PIEZO2: variants seen among roughly 807,000 people sequenced by gnomAD.
PIEZO2 encodes the protein piezo type mechanosensitive ion channel component 2.
A neutral mutation model predicts 337.3 loss-of-function variants in PIEZO2; 172 were observed. The observed-to-expected ratio is 0.51, with a 90% CI of 0.45 to 0.58. PIEZO2 has a LOEUF of 0.58. Among genes scored for constraint, PIEZO2 ranks in the 20% least tolerant of loss-of-function variants. The pLI is 0.00. For synonymous variants in PIEZO2, 1,251 were observed against 1,228.5 expected (o/e 1.02, Z -0.38); for missense variants, 3,028 against 3,391.3 (o/e 0.89, Z 2.66).
chr18:11,128,485 G>A lies in PIEZO2; in HGVS notation c.64+20040C>T, dbSNP rs890449330. ...GTGGGAGGACCCTGATGAAGCTGAG[G>A]ACACTGAGTTTGTAAACTCTGATGA... is the stretch of plus-strand genomic sequence containing the variant. On this transcript the variant is annotated intron_variant, in intron 1 of 55. Coordinates refer to ENST00000674853, the MANE Select transcript of PIEZO2 (RefSeq NM_001378183.1). The surrounding 1 kb of genome is among the most constrained non-coding windows in gnomAD (Gnocchi z 4.1). 6.6e-6 allele frequency among the ~76,000 whole-genome samples: 1 copy of A among 152,170 alleles called. No homozygotes were observed. The highest frequency in any genetic ancestry group is 2.4e-5 in the African/African-American group (1 of 41,432).
Position 10,855,633 on chromosome 18 carries a change from T to C in PIEZO2, c.704-67A>G. 4 of 1,231,686 alleles carry C rather than the reference T, an allele frequency of 3.2e-6. No individual in the cohort carries two copies. Among genetic ancestry groups the C allele is most frequent in the Non-Finnish European group, 4.5e-6 (4 of 893,024 alleles). The allele number at this position is 1,231,686 out of a possible 1,614,324, so 76.3% of individuals were successfully genotyped here. On this transcript the variant is annotated intron_variant, in intron 6 of 55. Transcript: ENST00000674853. This position sits in a 1 kb window ranked among gnomAD's most constrained non-coding sequence, Gnocchi z 4.9. ...AAATTCACTTATCATTCAGTGAATG[T>C]GACTATTTGAAATTATGTGAATTTC...
intron 27 of PIEZO2, among the ~76,000 whole-genome samples, chr18:10,756,803 T>A (rs765326876): frequency 2.3e-5 from 3 of 130,300 alleles, no homozygotes; most frequent in Non-Finnish European, 4.8e-5. Flanking sequence ...GGATGGAGAA[T>A]GAGGAGGAGG....
chr18:11,089,920 G>C (rs1173901218), intron 1 of PIEZO2, among the ~76,000 whole-genome samples: 1 of 152,164 alleles, frequency 6.6e-6, no homozygotes, highest in South Asian at 2.1e-4. Context: ...GAAGAGAACC[G>C]ATTGATCTCA....
At chr18:10,938,722 G>A (rs1294672778) in intron 3 of PIEZO2, among the ~76,000 whole-genome samples, 1 of 152,152 alleles carries the variant, frequency 6.6e-6, no homozygotes, top group African/African-American at 2.4e-5. Context: ...CAATGAAGAT[G>A]ACTTTTCAAA....
At position 11,099,410 on chromosome 18, in the gene PIEZO2, C is replaced by T. The variant is rs560826937; in HGVS notation, c.65-33188G>A. Among the ~76,000 whole-genome samples the T allele has an allele frequency of 6.6e-6, 1 of 152,258 alleles. No individual in the cohort carries two copies. The highest frequency in any genetic ancestry group is 1.9e-4 in the East Asian group (1 of 5,180). On this transcript the variant is annotated intron_variant, in intron 1 of 55. Transcript: ENST00000674853. This position sits in a 1 kb window ranked among gnomAD's most constrained non-coding sequence, Gnocchi z 5.4. ...ACCAAATTGGTCCATTTATTTTTGT[C>T]GTTTGTTTTTCAACAGGCAAGATGT... is the stretch of plus-strand genomic sequence containing the variant.
In PIEZO2 at chr18:10,861,239, G is replaced by A. The variant is rs2144729866; in HGVS notation, c.493-4028C>T. On this transcript the variant is annotated intron_variant, in intron 5 of 55. Coordinates refer to ENST00000674853, the MANE Select transcript of PIEZO2 (RefSeq NM_001378183.1). This position sits in a 1 kb window ranked among gnomAD's most constrained non-coding sequence, Gnocchi z 4.3. ...ATCTGGCCTTGAGGCTAAGGAGGAG[G>A]AAAGGCTGTAAATAAAGATTTAACT... is the stretch of plus-strand genomic sequence containing the variant. Among the ~76,000 whole-genome samples, 1 of 152,320 alleles carries A rather than the reference G, an allele frequency of 6.6e-6. No homozygotes were observed. Among genetic ancestry groups the A allele is most frequent in the Admixed American group, 6.5e-5 (1 of 15,296 alleles).
intron 2 of PIEZO2, among the ~76,000 whole-genome samples, chr18:11,040,771 C>T (rs1356068461): frequency 6.6e-6 from 1 of 152,130 alleles, no homozygotes; most frequent in Non-Finnish European, 1.5e-5. Context: ...TTCTTAGTGC[C>T]ACTTTTCTTC....
intron 21 of PIEZO2, among the ~76,000 whole-genome samples, chr18:10,768,571 AG>A (rs2038463523): frequency 6.6e-6 from 1 of 152,234 alleles, no homozygotes; most frequent in Admixed American, 6.5e-5. Context: ...CAGAAAGAGC[AG>A]GATTTCTATG....
rs938694552 is a variant in PIEZO2, at chr18:10,847,479, C to T, written c.917+7874G>A. Among the ~76,000 whole-genome samples the T allele has an allele frequency of 2.0e-5, 3 of 152,288 alleles. No homozygotes were observed. Among genetic ancestry groups the T allele is most frequent in the Non-Finnish European group, 2.9e-5 (2 of 68,032 alleles). On this transcript the variant is annotated intron_variant, in intron 7 of 55. Coordinates refer to ENST00000674853, the MANE Select transcript of PIEZO2 (RefSeq NM_001378183.1). The surrounding 1 kb of genome is among the most constrained non-coding windows in gnomAD (Gnocchi z 5.7). The stretch of plus-strand genomic sequence containing the variant: ...CTTAGGTCACTGGGCTGGATAAACA[C>T]GCAGTGCAAAGGCCCGTGGGCTCGG...
intron 4 of PIEZO2, among the ~76,000 whole-genome samples, chr18:10,910,597 A>T (rs1168302607): frequency 1.3e-5 from 2 of 152,176 alleles, no homozygotes; most frequent in Non-Finnish European, 2.9e-5. Flanking sequence ...AAATTTAAAA[A>T]AAAAGAAAGA....
rs1021226531 is a variant in PIEZO2, at chr18:11,113,018, G to A, written c.64+35507C>T. Reference sequence around the variant, plus strand: ...TGGTACCTAACTCAGTGCCCAGCACGATGTAGGCCTTCAAGAACTGTGGAC... The same window carrying A: ...TGGTACCTAACTCAGTGCCCAGCACAATGTAGGCCTTCAAGAACTGTGGAC... On this transcript the variant is annotated intron_variant, in intron 1 of 55. Coordinates refer to ENST00000674853, the MANE Select transcript of PIEZO2 (RefSeq NM_001378183.1). Among the ~76,000 whole-genome samples, 23 of 152,322 alleles carry A rather than the reference G, an allele frequency of 1.5e-4. No homozygotes were observed. In the South Asian group the frequency reaches 1.9e-3, roughly 12 times the overall value.
chr18:10,919,395 T>C (rs1439111807), intron 3 of PIEZO2, among the ~76,000 whole-genome samples: 1 of 152,174 alleles, frequency 6.6e-6, no homozygotes, highest in Admixed American at 6.5e-5. Context: ...TCTTTTGTTG[T>C]CCCAGTAAGT....
At chr18:10,808,729 A>G (rs2040078492) in intron 7 of PIEZO2, among the ~76,000 whole-genome samples, 1 of 152,212 alleles carries the variant, frequency 6.6e-6, no homozygotes, top group Admixed American at 6.5e-5. Context: ...GTTATGCCCC[A>G]CTTAGAATGG....
rs1568099154 is a variant in PIEZO2, at chr18:10,821,898, C to T, written c.918-14624G>A. On this transcript the variant is annotated intron_variant, in intron 7 of 55. Coordinates refer to ENST00000674853, the MANE Select transcript of PIEZO2 (RefSeq NM_001378183.1). This position sits in a 1 kb window ranked among gnomAD's most constrained non-coding sequence, Gnocchi z 4.2. ...TTGTAAATTTAAACGTGATTAGAGT[C>T]ATTGATTACAAATGCAATAGTGCTA... Among the ~76,000 whole-genome samples, 1 of 152,174 alleles carries T rather than the reference C, an allele frequency of 6.6e-6. No homozygotes were observed. The highest frequency in any genetic ancestry group is 1.5e-5 in the Non-Finnish European group (1 of 68,032).
Position 11,047,870 on chromosome 18 carries a change from A to C in PIEZO2, c.160+18257T>G, listed in dbSNP as rs1270558759. The stretch of plus-strand genomic sequence containing the variant: ...TGAGGGTGACATTCCTTTGCACCTA[A>C]GTGCAAAGGGACCTGTAAGAGTTAA... On this transcript the variant is annotated intron_variant, in intron 2 of 55. Transcript: ENST00000674853. This position sits in a 1 kb window ranked among gnomAD's most constrained non-coding sequence, Gnocchi z 7.2. Among the ~76,000 whole-genome samples, 1 of 152,206 alleles carries C rather than the reference A, an allele frequency of 6.6e-6. No homozygotes were observed. The highest frequency in any genetic ancestry group is 1.5e-5 in the Non-Finnish European group (1 of 68,038).
chr18:10,959,741 C>T (rs557368416), intron 3 of PIEZO2, among the ~76,000 whole-genome samples: 93 of 152,226 alleles, frequency 6.1e-4, no homozygotes, highest in African/African-American at 2.0e-3. Flanking sequence ...AAATTTATGG[C>T]TCTAATATAA....
intron 1 of PIEZO2, among the ~76,000 whole-genome samples, chr18:11,135,288 G>A (rs1238219616): frequency 6.6e-6 from 1 of 152,060 alleles, no homozygotes; most frequent in African/African-American, 2.4e-5. Context: ...CAAACGCCAG[G>A]GCTATTTTAA....
chr18:11,132,321 G>A lies in PIEZO2; in HGVS notation c.64+16204C>T, dbSNP rs998282684. 1.3e-5 allele frequency among the ~76,000 whole-genome samples: 2 copies of A among 152,182 alleles called. No individual in the cohort carries two copies. ...GAAAGAAGTGTGGCAGCAGGCTCAT[G>A]CTCATGGAATCCAATGTGCTCTTAC... is the stretch of plus-strand genomic sequence containing the variant. On this transcript the variant is annotated intron_variant, in intron 1 of 55. Coordinates refer to ENST00000674853, the MANE Select transcript of PIEZO2 (RefSeq NM_001378183.1). The surrounding 1 kb of genome is among the most constrained non-coding windows in gnomAD (Gnocchi z 4.7).
Position 10,762,973 on chromosome 18 carries a change from C to T in PIEZO2, c.3072G>A (p.Leu1024=), listed in dbSNP as rs111367812. ...CAGGCTTAATGGTTTGGAGCTGGTACAACATTTTGCAGACGATGATCACAC... is the reference window on the plus strand; with the variant it reads ...CAGGCTTAATGGTTTGGAGCTGGTATAACATTTTGCAGACGATGATCACAC... ...WTCVIIVCKM[L]YQLQTIKPEN... is the part of the protein sequence containing the mutation. The change falls in exon 22 of 56, where the codon TTG becomes TTA. Residue 1024 remains leucine (L), a synonymous_variant. Transcript: ENST00000674853. The T allele has an allele frequency of 7.2e-6, 11 of 1,537,284 alleles. 1 individual carries two copies. The African/African-American group carries it at 9.6e-5, about 13-fold the overall frequency.
Sources: gnomAD v4.1 joint callset for allele counts (sites outside exome capture counted in the v4.1 genomes callset) on GRCh38, gnomAD v4.1.1 for gene constraint, Gnocchi (gnomAD v3.1) non-coding constraint, MANE v1.5 for transcripts, NCBI Gene and HGNC (gene_info 2026-07-23, HGNC 2026-07-21) for gene names.